The following LRBA variants were observed in gnomAD, a reference collection of about 807,000 sequenced individuals.
The protein encoded by LRBA is lipopolysaccharide-responsive and beige-like anchor protein.
Under a neutral mutation model 330.0 loss-of-function variants are expected in LRBA, and 176 were observed. The ratio of observed to expected loss-of-function variants is 0.53; its 90% CI spans 0.47 to 0.60. The LOEUF is 0.60. LRBA is among the 20% of genes least tolerant of loss of function. The pLI is 0.00. For missense variants in LRBA, 3,259 were observed against 3,444.8 expected (o/e 0.95, Z 1.35); for synonymous variants, 1,230 against 1,193.0 (o/e 1.03, Z -0.64).
At chr4:150,476,948 G>T (rs1756781681) in intron 42 of LRBA, among the ~76,000 whole-genome samples, 1 of 152,144 alleles carries the variant, frequency 6.6e-6, no homozygotes, top group South Asian at 2.1e-4. Flanking sequence ...TCAGGATTTA[G>T]CACAATAGTC....
chr4:150,305,628 A>G (rs988430976), intron 52 of LRBA, among the ~76,000 whole-genome samples: 20 of 152,176 alleles, frequency 1.3e-4, no homozygotes, highest in Non-Finnish European at 7.3e-5. Flanking sequence ...TGGATTAATG[A>G]CAATAACAAG....
chr4:150,683,797 A>T, intron 36 of LRBA, 80 bp from the exon 37 acceptor site: 1 of 1,091,664 alleles, frequency 9.2e-7, no homozygotes, highest in Admixed American at 2.9e-5. Flanking sequence ...CTTTACCCTA[A>T]ATCAAAACAA....
At position 150,374,080 on chromosome 4, in the gene LRBA, C is replaced by A. The variant is rs147502765; in HGVS notation, c.7195-23921G>T. 7.6e-3 allele frequency among the ~76,000 whole-genome samples: 1,155 copies of A among 152,266 alleles called. 10 individuals are homozygous for A. The highest frequency in any genetic ancestry group is 0.034 in the Middle Eastern group (10 of 294). ...ACGTTCACCCACTCTGTAATCTTCA[C>A]TCCTTCACTCAATTCCTTGAAATCT... is the stretch of plus-strand genomic sequence containing the variant. On this transcript the variant is annotated intron_variant, in intron 47 of 56. Transcript: ENST00000651943.
intron 37 of LRBA, among the ~76,000 whole-genome samples, chr4:150,638,307 G>A (rs1002602087): frequency 1.7e-4 from 26 of 152,274 alleles, no homozygotes; most frequent in East Asian, 1.2e-3. Context: ...GATTACAGGC[G>A]TAAGCCACCA....
intron 36 of LRBA, among the ~76,000 whole-genome samples, chr4:150,697,345 A>AAAAAAAAAAC: frequency 6.7e-6 from 1 of 149,246 alleles, no homozygotes; most frequent in Non-Finnish European, 1.5e-5. Flanking sequence ...AAAAAAAAAA[A>AAAAAAAAAAC]AAAAAACAGG....
chr4:150,990,969 G>A (rs559706298), intron 2 of LRBA, among the ~76,000 whole-genome samples: 23 of 151,252 alleles, frequency 1.5e-4, no homozygotes, highest in Middle Eastern at 6.8e-3. Context: ...CCAGGGAGGC[G>A]CTGAACCTCG....
intron 34 of LRBA, among the ~76,000 whole-genome samples, chr4:150,765,381 G>A (rs945189379): frequency 3.3e-5 from 5 of 152,032 alleles, no homozygotes; most frequent in Non-Finnish European, 5.9e-5. Context: ...CAACACCAGA[G>A]TGAACCCTAA....
intron 35 of LRBA, among the ~76,000 whole-genome samples, chr4:150,744,117 C>T (rs747949061): frequency 3.3e-5 from 5 of 152,256 alleles, no homozygotes; most frequent in Non-Finnish European, 7.4e-5. Context: ...CAGACAAAAA[C>T]CATCCCTAGT....
At chr4:150,654,954 T>C (rs1346120328) in intron 37 of LRBA, among the ~76,000 whole-genome samples, 2 of 152,172 alleles carry the variant, frequency 1.3e-5, no homozygotes, top group African/African-American at 2.4e-5. Flanking sequence ...TGTTGGACAT[T>C]TGGGTTGGTT....
intron 36 of LRBA, among the ~76,000 whole-genome samples, chr4:150,726,590 T>C (rs1729707429): frequency 6.6e-6 from 1 of 152,140 alleles, no homozygotes; most frequent in Non-Finnish European, 1.5e-5. Flanking sequence ...CTTACAATCA[T>C]GGTCGAAGGG....
At chr4:150,671,488 C>T (rs570865728) in intron 37 of LRBA, among the ~76,000 whole-genome samples, 1 of 152,142 alleles carries the variant, frequency 6.6e-6, no homozygotes, top group South Asian at 2.1e-4. Context: ...TAGTACATTG[C>T]CAAGTACTAG....
At chr4:150,267,473 C>G (rs1417451651) in intron 56 of LRBA, among the ~76,000 whole-genome samples, 1 of 151,762 alleles carries the variant, frequency 6.6e-6, no homozygotes, top group Non-Finnish European at 1.5e-5. Context: ...AATACTGAGA[C>G]AAATGAAAAG....
intron 40 of LRBA, among the ~76,000 whole-genome samples, chr4:150,502,698 A>G (rs1228378462): frequency 6.6e-6 from 1 of 152,178 alleles, no homozygotes; most frequent in Non-Finnish European, 1.5e-5. Context: ...TGTGCCAGAC[A>G]GTGGGTGCAG....
chr4:150,789,039 A>C (rs1287585458), intron 34 of LRBA, among the ~76,000 whole-genome samples: 1 of 152,152 alleles, frequency 6.6e-6, no homozygotes, highest in Non-Finnish European at 1.5e-5. Flanking sequence ...ATGCCACTGC[A>C]CTCTAGCCTG....
intron 51 of LRBA, among the ~76,000 whole-genome samples, chr4:150,312,206 T>TAA (rs1458596253): frequency 6.6e-6 from 1 of 152,144 alleles, no homozygotes; most frequent in Non-Finnish European, 1.5e-5. Context: ...AACTATTTTC[T>TAA]AAGCAAGTGC....
chr4:150,489,187 T>C (rs1581463972), intron 41 of LRBA, among the ~76,000 whole-genome samples: 1 of 125,268 alleles, frequency 8.0e-6, no homozygotes, highest in African/African-American at 3.2e-5. Flanking sequence ...GTATATAATA[T>C]ATTATATATA....
intron 36 of LRBA, among the ~76,000 whole-genome samples, chr4:150,698,654 T>C (rs527656415): frequency 1.3e-5 from 2 of 152,296 alleles, no homozygotes; most frequent in African/African-American, 4.8e-5. Context: ...GCAAACAAAA[T>C]CTCATCGATT....
intron 47 of LRBA, among the ~76,000 whole-genome samples, chr4:150,408,410 A>G (rs1746499785): frequency 6.6e-6 from 1 of 152,176 alleles, no homozygotes; most frequent in Non-Finnish European, 1.5e-5. Flanking sequence ...ATCTTCTCAC[A>G]AAGAAAAGGC....
chr4:150,422,611 G>A, intron 46 of LRBA: 1 of 573,888 alleles, frequency 1.7e-6, no homozygotes, highest in African/African-American at 1.9e-5. Flanking sequence ...GGTTCCCCAA[G>A]GGACAAGGTT....
Sources: allele counts gnomAD v4.1 joint callset (sites outside exome capture counted in the v4.1 genomes callset), GRCh38; gene constraint gnomAD v4.1.1; transcripts MANE v1.5; gene names NCBI Gene and HGNC (gene_info 2026-07-23, HGNC 2026-07-21).